EYS: variants seen among roughly 807,000 people sequenced by gnomAD.
The protein encoded by EYS is protein eyes shut homolog.
EYS carries 250 observed loss-of-function variants against 282.1 expected under a neutral mutation model. The ratio of observed to expected loss-of-function variants is 0.89; its 90% confidence interval spans 0.80 to 0.98. The LOEUF is 0.98. Among genes scored for constraint, EYS ranks in the 50% least tolerant of loss-of-function variants. The probability of loss-of-function intolerance (pLI) is 0.00; values close to 1 mark genes in which losing one functional copy is unlikely to be tolerated. For synonymous variants in EYS, 1,355 were observed against 1,282.9 expected, an observed-to-expected ratio of 1.06 and a Z score of -1.20; for missense variants, 4,016 against 3,709.0, an observed-to-expected ratio of 1.08 and a Z score of -2.15.
intron 36 of EYS, among the ~76,000 whole-genome samples, chr6:63,832,416 C>A (rs1771668313): frequency 6.6e-6 from 1 of 152,134 alleles, no homozygotes; most frequent in South Asian, 2.1e-4. Flanking sequence ...ATACAAACTA[C>A]CATCAGGAAT....
chr6:63,823,937 G>A (rs1272473756), intron 36 of EYS, among the ~76,000 whole-genome samples: 1 of 151,904 alleles, frequency 6.6e-6, no homozygotes, highest in Non-Finnish European at 1.5e-5. Flanking sequence ...TTTTGTCTAG[G>A]TTAATCTCTA....
At chr6:63,949,843 T>C (rs1765515437) in intron 35 of EYS, among the ~76,000 whole-genome samples, 1 of 152,164 alleles carries the variant, frequency 6.6e-6, no homozygotes, top group Non-Finnish European at 1.5e-5. Context: ...CATTTGTCAA[T>C]GTCCTTATAA....
In EYS at chr6:64,391,955, A is replaced by G. The variant is rs541076749; in HGVS notation, c.5928-3115T>C. Among the ~76,000 whole-genome samples, 474 of 152,008 alleles carry G rather than the reference A, an allele frequency of 3.1e-3. 4 individuals carry two copies. The highest frequency in any genetic ancestry group is 2.2e-3 in the Non-Finnish European group (147 of 67,918). On this transcript the variant is annotated intron_variant, in intron 28 of 42. Coordinates refer to ENST00000503581, the MANE Select transcript of EYS (RefSeq NM_001142800.2). The stretch of plus-strand genomic sequence containing the variant: ...GATCTACCAAGCAAATGGAAAACAA[A>G]AAAAGGCAGGGGTTGCAATCCTAGT...
intron 26 of EYS, among the ~76,000 whole-genome samples, chr6:64,578,809 A>G (rs1388370111): frequency 2.0e-5 from 3 of 152,128 alleles, no homozygotes; most frequent in Non-Finnish European, 2.9e-5. Flanking sequence ...ATGGAAGAAC[A>G]CATTTTATGA....
intron 30 of EYS, among the ~76,000 whole-genome samples, chr6:64,246,713 G>T (rs1202526625): frequency 6.6e-6 from 1 of 151,916 alleles, no homozygotes; most frequent in Non-Finnish European, 1.5e-5. Flanking sequence ...AGTATTTTTT[G>T]ACTTTACCTT....
At chr6:65,430,219 T>C (rs1002050160) in intron 5 of EYS, among the ~76,000 whole-genome samples, 1 of 152,092 alleles carries the variant, frequency 6.6e-6, no homozygotes, top group Non-Finnish European at 1.5e-5. Flanking sequence ...TGAGCACTCA[T>C]AGTATCCTTT....
chr6:65,249,474 G>T (rs1436498797), intron 12 of EYS, among the ~76,000 whole-genome samples: 1 of 151,428 alleles, frequency 6.6e-6, no homozygotes, highest in Admixed American at 6.6e-5. Flanking sequence ...ACCCTAAAGA[G>T]TTAGAATTTT....
intron 29 of EYS, among the ~76,000 whole-genome samples, chr6:64,362,107 G>C (rs1772030927): frequency 6.6e-6 from 1 of 151,854 alleles, no homozygotes; most frequent in East Asian, 2.0e-4. Context: ...GTAGGAGCTG[G>C]TGCTGCCATT....
chr6:64,548,282 G>C (rs1178331510), intron 26 of EYS, among the ~76,000 whole-genome samples: 1 of 152,200 alleles, frequency 6.6e-6, no homozygotes, highest in Non-Finnish European at 1.5e-5. Flanking sequence ...ATTCCTCAGG[G>C]ATCTAGAACT....
intron 13 of EYS, 136 bp from the exon 14 acceptor site, chr6:64,997,839 C>G (rs9363312): frequency 2.9e-6 from 2 of 690,546 alleles, no homozygotes; most frequent in Non-Finnish European, 4.4e-6. Flanking sequence ...TATATTTAAT[C>G]GATTACATAG....
chr6:64,178,212 T>C (rs1197365570), intron 31 of EYS, among the ~76,000 whole-genome samples: 1 of 152,092 alleles, frequency 6.6e-6, no homozygotes, highest in Admixed American at 6.6e-5. Context: ...TCCAGTTGCA[T>C]TGCTATCTAC....
rs777456102 is a variant in EYS at position 64,500,354 on chromosome 6, C to CGT, written c.5645-61004_5645-61003dup. On this transcript the variant is annotated intron_variant, in intron 26 of 42. Coordinates refer to ENST00000503581, the MANE Select transcript of EYS (RefSeq NM_001142800.2). ...ACCATAATTTTCCTGCTTCATGGTACGTATCTGTTTGCTCTTAGACAAGTT... is the reference window on the plus strand; with the variant it reads ...ACCATAATTTTCCTGCTTCATGGTACGTGTATCTGTTTGCTCTTAGACAAGTT... 3.3e-5 allele frequency among the ~76,000 whole-genome samples: 5 copies of CGT among 152,078 alleles called. No individual in the cohort carries two copies. The East Asian group carries it at 9.7e-4, about 29-fold the overall frequency.
intron 1 of EYS, among the ~76,000 whole-genome samples, chr6:65,704,833 C>A (rs982245225): frequency 6.6e-5 from 10 of 152,160 alleles, no homozygotes; most frequent in Non-Finnish European, 1.5e-4. Flanking sequence ...TCTCTTGGGG[C>A]AAAACCCAGA....
intron 37 of EYS, among the ~76,000 whole-genome samples, chr6:63,793,508 C>T (rs1221960960): frequency 3.9e-5 from 6 of 152,008 alleles, no homozygotes; most frequent in Non-Finnish European, 7.4e-5. Flanking sequence ...TTTAAAGTGG[C>T]GTTGCACAAT....
chr6:64,254,279 A>C (rs867139397), intron 30 of EYS, among the ~76,000 whole-genome samples: 26 of 152,122 alleles, frequency 1.7e-4, no homozygotes, highest in South Asian at 8.3e-4. Context: ...GTTTGGTGTC[A>C]TCTGTGTAGT....
intron 22 of EYS, among the ~76,000 whole-genome samples, chr6:64,750,425 A>AC (rs1180617384): frequency 6.6e-6 from 1 of 151,682 alleles, no homozygotes; most frequent in Admixed American, 6.6e-5. Flanking sequence ...GAAAGTAAAA[A>AC]AAAAAAAGCT....
At chr6:65,097,329 A>C (rs1774767274) in intron 12 of EYS, among the ~76,000 whole-genome samples, 1 of 151,014 alleles carries the variant, frequency 6.6e-6, no homozygotes, top group East Asian at 1.9e-4. Flanking sequence ...GGCTATGATC[A>C]AAAAACACAA....
chr6:64,455,932 A>G (rs1274450963), intron 26 of EYS, among the ~76,000 whole-genome samples: 2 of 152,150 alleles, frequency 1.3e-5, no homozygotes, highest in Admixed American at 1.3e-4. Context: ...TGGTATTTTA[A>G]TATTAACCCA....
At chr6:64,401,334 G>A (rs1009661105) in intron 28 of EYS, among the ~76,000 whole-genome samples, 2 of 151,978 alleles carry the variant, frequency 1.3e-5, no homozygotes, top group Non-Finnish European at 2.9e-5. Context: ...CTGAGTATGT[G>A]TGTATCTACT....
Sources: gnomAD v4.1 joint callset for allele counts (sites outside exome capture counted in the v4.1 genomes callset) on GRCh38, gnomAD v4.1.1 for gene constraint, MANE v1.5 for transcripts, NCBI Gene and HGNC (gene_info 2026-07-23, HGNC 2026-07-21) for gene names.